The following MAP2K7 variants were observed in gnomAD, a reference collection of about 807,000 sequenced individuals.
MAP2K7 encodes the protein dual specificity mitogen-activated protein kinase kinase 7.
A neutral mutation model predicts 47.7 loss-of-function variants in MAP2K7; 12 were observed. The observed-to-expected ratio is 0.25, with a 90% CI of 0.16 to 0.41. MAP2K7 has a LOEUF of 0.41. Ranked by LOEUF, MAP2K7 falls within the 10% of genes least tolerant of loss-of-function variation. MAP2K7 has a pLI of 1.00. For synonymous variants in MAP2K7, 299 were observed against 243.0 expected, an observed-to-expected ratio of 1.23 and a Z score of -2.14; for missense variants, 415 against 600.3, an observed-to-expected ratio of 0.69 and a Z score of 3.23.
rs190911905 is a variant in MAP2K7 at position 7,911,587 on chromosome 19, C to T, written c.1079+9C>T. 2,646 of 1,576,140 alleles carry T rather than the reference C, an allele frequency of 1.7e-3. 3 individuals are homozygous for T. The highest frequency in any genetic ancestry group is 2.0e-3 in the Non-Finnish European group (2,260 of 1,158,682). On this transcript the variant is annotated intron_variant, in intron 9 of 10. Coordinates refer to ENST00000397979, the MANE Select transcript of MAP2K7 (RefSeq NM_145185.4). ...TCCTTCGTCAAAGACTGGTGAGAACCTCCCTCCACTTGGGAGGTCAGGGAC... is the reference window on the plus strand; with the variant it reads ...TCCTTCGTCAAAGACTGGTGAGAACTTCCCTCCACTTGGGAGGTCAGGGAC...
At chr19:7,906,034 C>A in intron 1 of MAP2K7, 1 of 646,852 alleles carries the variant, frequency 1.5e-6, no homozygotes, top group African/African-American at 1.8e-5. Flanking sequence ...CCAGCCTCCT[C>A]TGCGTCCTCC....
Position 7,905,724 on chromosome 19 carries a change from T to C in MAP2K7, c.124+1656T>C, listed in dbSNP as rs1287520369. 5 of 1,235,304 alleles carry C rather than the reference T, an allele frequency of 4.0e-6. No homozygotes were observed. In the Admixed American group the frequency reaches 8.5e-5, roughly 21 times the overall value. 76.5% of individuals were successfully genotyped at this position (1,235,304 alleles called of 1,614,324 possible). ...CCTCCCCCTCCTCCTCGTTTATGAT[T>C]TGATTTCTTTTCTTTTGGACGAATC... is the stretch of plus-strand genomic sequence containing the variant. On this transcript the variant is annotated intron_variant, in intron 1 of 10. Coordinates refer to ENST00000397979, the MANE Select transcript of MAP2K7 (RefSeq NM_145185.4).
Position 7,903,923 on chromosome 19 carries a change from G to T in MAP2K7, c.-22G>T. 1 of 1,501,200 alleles carries T rather than the reference G, an allele frequency of 6.7e-7. No individual in the cohort carries two copies. The highest frequency in any genetic ancestry group is 8.9e-7 in the Non-Finnish European group (1 of 1,123,362). 93.0% of individuals were successfully genotyped at this position (1,501,200 alleles called of 1,614,324 possible). A position where few individuals can be genotyped will look rare whatever the true frequency, so the allele number is the denominator to read the frequency against. Reference sequence around the variant, plus strand: ...ACTGACGGGCGGCCGGGCGGTGCGCGGCGGCGGTGGCGGCGGGGAAGATGG... The same window carrying T: ...ACTGACGGGCGGCCGGGCGGTGCGCTGCGGCGGTGGCGGCGGGGAAGATGG... On this transcript the variant is annotated 5_prime_UTR_variant, in exon 1 of 11. Transcript: ENST00000397979.
In MAP2K7 at chr19:7,910,241, A is replaced by T; in HGVS notation, c.334-19A>T. The T allele has an allele frequency of 1.9e-6, 3 of 1,611,514 alleles. No homozygotes were observed. The highest frequency in any genetic ancestry group is 2.2e-5 in the South Asian group (2 of 90,904). ...TGGCAGAGGCCCCAGGGACCCTCCA[A>T]CCCTCCCTCTCCTCCCAGCGCTACC... is the stretch of plus-strand genomic sequence containing the variant. On this transcript the variant is annotated intron_variant, in intron 3 of 10. Coordinates refer to ENST00000397979, the MANE Select transcript of MAP2K7 (RefSeq NM_145185.4).
rs1162834130 is a variant in MAP2K7 at position 7,910,977 on chromosome 19, C to T, written c.676-3C>T. 2 of 1,605,330 alleles carry T rather than the reference C, an allele frequency of 1.2e-6. No homozygotes were observed. The highest frequency in any genetic ancestry group is 1.7e-6 in the Non-Finnish European group (2 of 1,173,918). On this transcript the variant is annotated splice_region_variant and splice_polypyrimidine_tract_variant and intron_variant, in intron 6 of 10. Transcript: ENST00000397979. Reference sequence around the variant, plus strand: ...ACATGCACCCCCCTCTGCGTGCCTGCAGATTGTGAAGGCGCTGTACTACCT... The same window carrying T: ...ACATGCACCCCCCTCTGCGTGCCTGTAGATTGTGAAGGCGCTGTACTACCT...
At position 7,911,561 on chromosome 19, in the gene MAP2K7, G is replaced by C; in HGVS notation, c.1062G>C (p.Gln354His). ...PGHMGFSGDF[Q>H]SFVKDCLTKD... The stretch of plus-strand genomic sequence containing the variant: ...ACATGGGCTTCTCGGGGGACTTCCA[G>C]TCCTTCGTCAAAGACTGGTGAGAAC... Residue 354 changes from glutamine to histidine, a missense_variant, in exon 9 of 11, where the codon CAG (glutamine) becomes CAC (histidine). By Grantham distance (24) the Gln-to-His change is conservative. Coordinates refer to ENST00000397979, the MANE Select transcript of MAP2K7 (RefSeq NM_145185.4). 1 of 1,597,464 alleles carries C rather than the reference G, an allele frequency of 6.3e-7. No individual in the cohort carries two copies. Among genetic ancestry groups the C allele is most frequent in the Non-Finnish European group, 8.5e-7 (1 of 1,170,722 alleles).
chr19:7,909,863 C>T lies in MAP2K7; in HGVS notation c.233C>T (p.Pro78Leu). 1 of 1,537,006 alleles carries T rather than the reference C, an allele frequency of 6.5e-7. No homozygotes were observed. Among genetic ancestry groups the T allele is most frequent in the Non-Finnish European group, 8.8e-7 (1 of 1,141,016 alleles). ...PARPRHMLGL[P>L]STLFTPRSME... ...CGGCCCCGCCACATGCTGGGGCTCC[C>T]GTCAACCCTGTTCACACCCCGCAGC... Residue 78 changes from proline to leucine, a missense_variant, in exon 2 of 11, where the codon CCG becomes CTG. Coordinates refer to ENST00000397979, the MANE Select transcript of MAP2K7 (RefSeq NM_145185.4).
At chr19:7,911,790 C>T (rs1029975116) in intron 9 of MAP2K7, among the ~76,000 whole-genome samples, 6 of 152,202 alleles carry the variant, frequency 3.9e-5, no homozygotes, top group Non-Finnish European at 7.4e-5. Context: ...ACAGCCAGCC[C>T]TGTGGCATTT....
intron 1 of MAP2K7, among the ~76,000 whole-genome samples, chr19:7,908,613 G>C (rs550079916): frequency 6.6e-6 from 1 of 152,132 alleles, no homozygotes; most frequent in African/African-American, 2.4e-5. Flanking sequence ...GTTGGCTGAG[G>C]GCTTTGGAGA....
chr19:7,910,162 A>G lies in MAP2K7; in HGVS notation c.333+33A>G, dbSNP rs749861153. On this transcript the variant is annotated intron_variant, in intron 3 of 10. Transcript: ENST00000397979. ...CTTCACTGTGGCGGGGAGAGGGAGG[A>G]GGCCCAGCCAGGCTGGACCCATCCT... 1.0e-5 allele frequency: 16 copies of G among 1,590,688 alleles called. No homozygotes were observed. The South Asian group carries it at 1.8e-4, about 18-fold the overall frequency.
chr19:7,908,525 G>GCAC (rs1982607834), intron 1 of MAP2K7, among the ~76,000 whole-genome samples: 1 of 152,156 alleles, frequency 6.6e-6, no homozygotes, highest in Non-Finnish European at 1.5e-5. Flanking sequence ...TAGTCCCTGG[G>GCAC]CACCAGTCAC....
Position 7,912,502 on chromosome 19 carries a change from C to A in MAP2K7, c.*71C>A. On this transcript the variant is annotated 3_prime_UTR_variant, in exon 11 of 11. Transcript: ENST00000397979. ...CAGGCCCCCCTCCCCACTTGGCCAC[C>A]CAGCTGCCTGCCAGGGGAGACCTGG... is the stretch of plus-strand genomic sequence containing the variant. The A allele has an allele frequency of 6.6e-7, 1 of 1,514,604 alleles. No homozygotes were observed. Among genetic ancestry groups the A allele is most frequent in the South Asian group, 1.2e-5 (1 of 81,642 alleles). 93.8% of individuals were successfully genotyped at this position (1,514,604 alleles called of 1,614,324 possible). A position where few individuals can be genotyped will look rare whatever the true frequency, so the allele number is the denominator to read the frequency against.
chr19:7,905,993 C>G, intron 1 of MAP2K7: 1 of 783,372 alleles, frequency 1.3e-6, no homozygotes, highest in Non-Finnish European at 2.2e-6. Flanking sequence ...CACTTTCTCT[C>G]TCACTCCACT....
At chr19:7,906,969 C>T (rs62126698) in intron 1 of MAP2K7, 24,321 of 151,584 alleles carry the variant, frequency 0.16, 2,572 homozygotes, top group Middle Eastern at 0.23. Flanking sequence ...CGCTTGAACC[C>T]GGGAGGCGGA....
chr19:7,903,915 C>G lies in MAP2K7; in HGVS notation c.-30C>G. 1 of 1,469,588 alleles carries G rather than the reference C, an allele frequency of 6.8e-7. No individual in the cohort carries two copies. Among genetic ancestry groups the G allele is most frequent in the Non-Finnish European group, 9.1e-7 (1 of 1,103,122 alleles). 91.0% of individuals were successfully genotyped at this position (1,469,588 alleles called of 1,614,324 possible). A position where few individuals can be genotyped will look rare whatever the true frequency, so the allele number is the denominator to read the frequency against. Reference sequence around the variant, plus strand: ...TCTGCCGGACTGACGGGCGGCCGGGCGGTGCGCGGCGGCGGTGGCGGCGGG... The same window carrying G: ...TCTGCCGGACTGACGGGCGGCCGGGGGGTGCGCGGCGGCGGTGGCGGCGGG... On this transcript the variant is annotated 5_prime_UTR_variant, in exon 1 of 11. Coordinates refer to ENST00000397979, the MANE Select transcript of MAP2K7 (RefSeq NM_145185.4).
chr19:7,912,095 C>T, intron 9 of MAP2K7, 54 bp from the exon 10 acceptor site: 1 of 1,559,578 alleles, frequency 6.4e-7, no homozygotes, highest in Non-Finnish European at 8.8e-7. Context: ...AGGGGTGGGG[C>T]CGGCATCCCC....
chr19:7,909,255 G>T (rs773786661), intron 1 of MAP2K7, among the ~76,000 whole-genome samples: 1 of 152,216 alleles, frequency 6.6e-6, no homozygotes, highest in Non-Finnish European at 1.5e-5. Context: ...TCTCGTGCCC[G>T]CTGCCTCCCC....
At chr19:7,905,664 C>G (rs1261702305) in intron 1 of MAP2K7, 17 of 740,050 alleles carry the variant, frequency 2.3e-5, no homozygotes, top group African/African-American at 1.7e-4. Flanking sequence ...CCCTCCCCAT[C>G]TCTGTCGGTT....
Position 7,911,341 on chromosome 19 carries a change from G to A in MAP2K7, c.936+11G>A, listed in dbSNP as rs768990905. ...CTGGGCATCTCGTTGGTGAGTTGGG[G>A]CCCTCCCCTGTTCTCCAGCCAGGAG... is the stretch of plus-strand genomic sequence containing the variant. On this transcript the variant is annotated intron_variant, in intron 8 of 10. Transcript: ENST00000397979. The A allele has an allele frequency of 6.3e-5, 102 of 1,613,396 alleles. No individual in the cohort carries two copies. The highest frequency in any genetic ancestry group is 8.3e-5 in the Non-Finnish European group (98 of 1,179,998).
Sources: allele counts gnomAD v4.1 joint callset (sites outside exome capture counted in the v4.1 genomes callset), GRCh38; gene constraint gnomAD v4.1.1; transcripts MANE v1.5; gene names NCBI Gene and HGNC (gene_info 2026-07-23, HGNC 2026-07-21).